Variants in SYNJ1 observed in about 807,000 individuals in gnomAD.
The protein encoded by SYNJ1 is synaptojanin 1, also known as polyphosphatidylinositol phosphatase SYNJ1.
A neutral mutation model predicts 168.2 loss-of-function variants in SYNJ1; 78 were observed. The observed-to-expected ratio is 0.46, with a 90% CI of 0.39 to 0.56. The LOEUF (loss-of-function observed/expected upper bound fraction) is 0.56. Ranked by LOEUF, SYNJ1 falls within the 20% of genes least tolerant of loss-of-function variation. The pLI, the probability that SYNJ1 is intolerant of heterozygous loss-of-function variation, is 0.00. For synonymous variants in SYNJ1, 539 were observed against 548.6 expected, an observed-to-expected ratio of 0.98 and a Z score of 0.24; for missense variants, 1,303 against 1,597.6, an observed-to-expected ratio of 0.82 and a Z score of 3.14.
intron 3 of SYNJ1, among the ~76,000 whole-genome samples, chr21:32,701,393 T>C (rs746367099): frequency 1.3e-5 from 2 of 152,188 alleles, no homozygotes; most frequent in Non-Finnish European, 2.9e-5. Flanking sequence ...TGTTGATTTG[T>C]ATCATAGTGC....
At chr21:32,656,326 C>T (rs2040454893) in intron 21 of SYNJ1, among the ~76,000 whole-genome samples, 1 of 152,050 alleles carries the variant, frequency 6.6e-6, no homozygotes, top group Admixed American at 6.6e-5. Context: ...CACTTGCAGA[C>T]CCAGCTATTT....
At chr21:32,728,103 G>T, upstream of SYNJ1, 1 of 1,495,276 alleles carries the variant, frequency 6.7e-7, no homozygotes, top group Non-Finnish European at 8.9e-7. Context: ...CATCAGGAGG[G>T]AGACCACGCC....
At chr21:32,701,482 A>C (rs2042397118) in intron 3 of SYNJ1, among the ~76,000 whole-genome samples, 1 of 152,164 alleles carries the variant, frequency 6.6e-6, no homozygotes, top group Admixed American at 6.5e-5. Context: ...TTTGAGCTGC[A>C]AAATTACAGA....
intron 4 of SYNJ1, among the ~76,000 whole-genome samples, chr21:32,699,409 C>A (rs1412035564): frequency 6.6e-6 from 1 of 152,186 alleles, no homozygotes; most frequent in Non-Finnish European, 1.5e-5. Flanking sequence ...TTACCACCAC[C>A]CCAGGAAGGT....
At chr21:32,701,698 T>G (rs566182177) in intron 3 of SYNJ1, among the ~76,000 whole-genome samples, 1 of 152,274 alleles carries the variant, frequency 6.6e-6, no homozygotes, top group African/African-American at 2.4e-5. Flanking sequence ...ATTTTCTCTT[T>G]TGACAACTGA....
At chr21:32,699,479 T>G (rs532891578) in intron 4 of SYNJ1, among the ~76,000 whole-genome samples, 2 of 152,256 alleles carry the variant, frequency 1.3e-5, no homozygotes, top group South Asian at 2.1e-4. Context: ...CCCTTTGCCT[T>G]TTTCCTTCCT....
chr21:32,728,093 C>T, upstream of SYNJ1: 1 of 1,508,402 alleles, frequency 6.6e-7, no homozygotes, highest in Non-Finnish European at 8.8e-7. Context: ...AGGGGCGGGG[C>T]ATCAGGAGGG....
intron 1 of SYNJ1, 34 bp downstream of exon 1, chr21:32,727,912 G>A (rs1398114311): frequency 2.6e-6 from 4 of 1,531,154 alleles, no homozygotes; most frequent in African/African-American, 1.4e-5. Context: ...GGGTCTGGCC[G>A]CAGCAGCTCC....
At position 32,653,141 on chromosome 21, in the gene SYNJ1, A is replaced by AC. The variant is rs532838857; in HGVS notation, c.2874+146_2874+147insG. Reference sequence around the variant, plus strand: ...TAGGCTAGTCAGAAATCCAGTCTAAATAAAAAACATTAAATAACTCCTCGA... The same window carrying AC: ...TAGGCTAGTCAGAAATCCAGTCTAAACTAAAAAACATTAAATAACTCCTCGA... On this transcript the variant is annotated intron_variant, in intron 22 of 32. Coordinates refer to ENST00000674351, the MANE Select transcript of SYNJ1 (RefSeq NM_203446.3). 2.7e-3 allele frequency: 1,730 copies of AC among 637,674 alleles called. 5 individuals carry two copies. The highest frequency in any genetic ancestry group is 3.9e-3 in the Admixed American group (117 of 29,770). 39.5% of individuals were successfully genotyped at this position (637,674 alleles called of 1,614,324 possible).
intron 14 of SYNJ1, 138 bp from the exon 15 acceptor site, chr21:32,670,510 A>ATTTTAATATGAACCAAATT: frequency 1.0e-5 from 7 of 691,276 alleles, no homozygotes; most frequent in Non-Finnish European, 1.4e-5. Flanking sequence ...TTAAAGGCAA[A>ATTTTAATATGAACCAAATT]CACTCTTGAG....
At chr21:32,708,123 T>C (rs1386951753) in intron 2 of SYNJ1, among the ~76,000 whole-genome samples, 2 of 152,144 alleles carry the variant, frequency 1.3e-5, no homozygotes, top group Admixed American at 1.3e-4. Context: ...CTTTCAAATG[T>C]GTATGCCTGT....
At position 32,650,166 on chromosome 21, in the gene SYNJ1, T is replaced by C. The variant is rs780721031; in HGVS notation, c.3037+18A>G. Reference sequence around the variant, plus strand: ...CATATCTAGAACTACAAGAAGTAAATGTGTTTAAGAAACAAACCTTCCATA... The same window carrying C: ...CATATCTAGAACTACAAGAAGTAAACGTGTTTAAGAAACAAACCTTCCATA... On this transcript the variant is annotated intron_variant, in intron 23 of 32. Transcript: ENST00000674351. 5.7e-6 allele frequency: 9 copies of C among 1,585,192 alleles called. No individual in the cohort carries two copies. The Admixed American group carries it at 1.1e-4, about 20-fold the overall frequency.
rs2040919592 is a variant in SYNJ1 at position 32,666,144 on chromosome 21, C to A, written c.1953-9G>T. On this transcript the variant is annotated splice_polypyrimidine_tract_variant and intron_variant, in intron 16 of 32. Coordinates refer to ENST00000674351, the MANE Select transcript of SYNJ1 (RefSeq NM_203446.3). ...TATCAACTGCAACATCCCTTTGAAACAAAGAATTCTAAATCGCAGATTTGA... is the reference window on the plus strand; with the variant it reads ...TATCAACTGCAACATCCCTTTGAAAAAAAGAATTCTAAATCGCAGATTTGA... 1.2e-5 allele frequency: 19 copies of A among 1,581,560 alleles called. No individual in the cohort carries two copies. Among genetic ancestry groups the A allele is most frequent in the Non-Finnish European group, 1.6e-5 (19 of 1,165,418 alleles).
chr21:32,687,144 C>T, intron 7 of SYNJ1, 70 bp from the exon 8 acceptor site: 1 of 769,888 alleles, frequency 1.3e-6, no homozygotes. Flanking sequence ...AACAATAATC[C>T]ATTATTAAAT....
rs766848280 is a variant in SYNJ1, at chr21:32,727,026, G to A, written c.-22-109C>T. 2.1e-6 allele frequency: 3 copies of A among 1,458,658 alleles called. No individual in the cohort carries two copies. In the South Asian group the frequency reaches 4.1e-5, roughly 20 times the overall value. The allele number at this position is 1,458,658 out of a possible 1,614,324, so 90.4% of individuals were successfully genotyped here. A position where few individuals can be genotyped will look rare whatever the true frequency, so the allele number is the denominator to read the frequency against. On this transcript the variant is annotated intron_variant, in intron 1 of 32. Coordinates refer to ENST00000674351, the MANE Select transcript of SYNJ1 (RefSeq NM_203446.3). Reference sequence around the variant, plus strand: ...CCGCCAGGTTTTGATGGGGGGTTGGGGTGGGAAAAAACAGACAGCTCTGGG... The same window carrying A: ...CCGCCAGGTTTTGATGGGGGGTTGGAGTGGGAAAAAACAGACAGCTCTGGG...
chr21:32,663,415 A>G (rs1359436180), intron 18 of SYNJ1, among the ~76,000 whole-genome samples: 15 of 152,114 alleles, frequency 9.9e-5, no homozygotes, highest in Admixed American at 9.8e-4. Flanking sequence ...AAAGTTGCAA[A>G]CCGTGTGGAC....
intron 2 of SYNJ1, among the ~76,000 whole-genome samples, chr21:32,717,925 C>T (rs989983952): frequency 6.6e-6 from 1 of 152,202 alleles, no homozygotes; most frequent in Non-Finnish European, 1.5e-5. Context: ...CCTGGAAGCT[C>T]TCCAGGCAGT....
At chr21:32,660,722 C>G (rs567028999) in intron 18 of SYNJ1, among the ~76,000 whole-genome samples, 2 of 152,368 alleles carry the variant, frequency 1.3e-5, no homozygotes, top group South Asian at 2.1e-4. Flanking sequence ...GAAGGTAAGA[C>G]TGTAAACATC....
intron 2 of SYNJ1, among the ~76,000 whole-genome samples, chr21:32,725,239 C>T (rs2043402696): frequency 6.6e-6 from 1 of 152,132 alleles, no homozygotes; most frequent in South Asian, 2.1e-4. Context: ...CCAAAAAACA[C>T]AAGCAGCTGA....
Sources: allele counts gnomAD v4.1 joint callset (sites outside exome capture counted in the v4.1 genomes callset), GRCh38; gene constraint gnomAD v4.1.1; transcripts MANE v1.5; gene names NCBI Gene and HGNC (gene_info 2026-07-23, HGNC 2026-07-21).